Variants in SDHB observed in about 807,000 individuals in gnomAD.
SDHB encodes the protein succinate dehydrogenase [ubiquinone] iron-sulfur subunit, mitochondrial.
Under a neutral mutation model 39.7 loss-of-function variants are expected in SDHB, and 21 were observed. That is an observed-to-expected ratio of 0.53 (90% CI 0.37 to 0.76). The LOEUF (loss-of-function observed/expected upper bound fraction) is 0.76. SDHB is among the 30% of genes least tolerant of loss of function. The pLI is 0.00. For missense variants in SDHB, 343 were observed against 350.9 expected (o/e 0.98, Z 0.18); for synonymous variants, 118 against 117.0 (o/e 1.01, Z -0.06).
intron 3 of SDHB, among the ~76,000 whole-genome samples, chr1:17,030,772 C>T (rs1436274437): frequency 6.6e-6 from 1 of 151,836 alleles, no homozygotes; most frequent in Non-Finnish European, 1.5e-5. Context: ...ACCTCTGCCT[C>T]CCGGGTTCAA....
chr1:17,052,540 T>C (rs1023071864), intron 1 of SDHB: 1 of 152,206 alleles, frequency 6.6e-6, no homozygotes, highest in African/African-American at 2.4e-5. Flanking sequence ...TGGAACTCTC[T>C]CGTTAGTGGG....
intron 2 of SDHB, among the ~76,000 whole-genome samples, chr1:17,033,915 A>C (rs1408972138): frequency 6.6e-6 from 1 of 152,208 alleles, no homozygotes; most frequent in Non-Finnish European, 1.5e-5. Flanking sequence ...GATTCTACGG[A>C]AATTACTCTC....
intron 2 of SDHB, among the ~76,000 whole-genome samples, chr1:17,034,478 T>G (rs753713687): frequency 6.6e-6 from 1 of 152,082 alleles, no homozygotes; most frequent in Non-Finnish European, 1.5e-5. Context: ...CCTTCCGGGT[T>G]CAAGCGATTC....
intron 3 of SDHB, among the ~76,000 whole-genome samples, chr1:17,032,254 A>C (rs1451050003): frequency 6.7e-6 from 1 of 149,140 alleles, no homozygotes; most frequent in African/African-American, 2.5e-5. Flanking sequence ...GCTGGAGTGC[A>C]GTGGCGTGAT....
At position 17,019,085 on chromosome 1, in the gene SDHB, C is replaced by G. The variant is rs184156013; in HGVS notation, c.766-127G>C. On this transcript the variant is annotated intron_variant, in intron 7 of 7. Transcript: ENST00000375499. The stretch of plus-strand genomic sequence containing the variant: ...AAGCAAGGTGAATGCAAATCAAGTC[C>G]CTCAAAACCATAGGGGTTGGGCTAA... 149 of 771,064 alleles carry G rather than the reference C, an allele frequency of 1.9e-4. No individual in the cohort carries two copies. The African/African-American group carries it at 2.2e-3, about 12-fold the overall frequency. The allele number at this position is 771,064 out of a possible 1,614,324, so 47.8% of individuals were successfully genotyped here.
intron 7 of SDHB, among the ~76,000 whole-genome samples, chr1:17,021,131 A>G (rs565942405): frequency 6.6e-6 from 1 of 152,160 alleles, no homozygotes; most frequent in Non-Finnish European, 1.5e-5. Flanking sequence ...GACACCTGCT[A>G]TGGTTTGAAT....
At position 17,033,248 on chromosome 1, in the gene SDHB, G is replaced by A. The variant is rs901362741; in HGVS notation, c.201-103C>T. 27 of 897,356 alleles carry A rather than the reference G, an allele frequency of 3.0e-5. No homozygotes were observed. In the African/African-American group the frequency reaches 4.0e-4, roughly 13 times the overall value. The allele number at this position is 897,356 out of a possible 1,614,324, so 55.6% of individuals were successfully genotyped here. On this transcript the variant is annotated intron_variant, in intron 2 of 7. Transcript: ENST00000375499. ...CCTGGATGTATTAGCTTATCCATTT[G>A]GTCTTCTCAGGTCACCTTCGGAATT... is the stretch of plus-strand genomic sequence containing the variant.
intron 3 of SDHB, among the ~76,000 whole-genome samples, chr1:17,029,094 T>TG: frequency 6.0e-5 from 1 of 16,652 alleles, no homozygotes; most frequent in Non-Finnish European, 2.0e-4. Flanking sequence ...AATCAGCCTG[T>TG]TTTTTTTTTT....
At chr1:17,032,858 G>A in intron 3 of SDHB, 3 of 634,316 alleles carry the variant, frequency 4.7e-6, no homozygotes, top group Non-Finnish European at 8.6e-6. Flanking sequence ...TGCTCCTGAA[G>A]GAAAGTAAAC....
At chr1:17,042,908 T>G (rs2078088638) in intron 2 of SDHB, among the ~76,000 whole-genome samples, 1 of 151,586 alleles carries the variant, frequency 6.6e-6, no homozygotes, top group Non-Finnish European at 1.5e-5. Flanking sequence ...TAGTTAGAAG[T>G]GTACTTTTTT....
intron 1 of SDHB, chr1:17,052,335 C>T (rs1414084649): frequency 6.6e-6 from 1 of 152,204 alleles, no homozygotes; most frequent in Non-Finnish European, 1.5e-5. Flanking sequence ...CCACAGGTAA[C>T]ACACCAAGCT....
intron 2 of SDHB, among the ~76,000 whole-genome samples, chr1:17,039,431 A>AAT (rs1202622636): frequency 0.013 from 2,016 of 150,500 alleles, 43 homozygotes; most frequent in African/African-American, 0.046. Flanking sequence ...AAAAAAAAAA[A>AAT]AAAAAATTGG....
chr1:17,049,335 T>C (rs2078131686), intron 1 of SDHB, among the ~76,000 whole-genome samples: 2 of 151,880 alleles, frequency 1.3e-5, no homozygotes, highest in South Asian at 4.2e-4. Context: ...TCTCATTCTG[T>C]TGCTCAGGCT....
Position 17,033,267 on chromosome 1 carries a change from C to T in SDHB, c.201-122G>A, listed in dbSNP as rs766915695. The T allele has an allele frequency of 8.3e-5, 66 of 795,964 alleles. 1 individual carries two copies. The highest frequency in any genetic ancestry group is 4.9e-4 in the South Asian group (33 of 67,942). The allele number at this position is 795,964 out of a possible 1,614,324, so 49.3% of individuals were successfully genotyped here. Reference sequence around the variant, plus strand: ...CCATTTGGTCTTCTCAGGTCACCTTCGGAATTTGTTCTGTAGTTTTGTTTT... The same window carrying T: ...CCATTTGGTCTTCTCAGGTCACCTTTGGAATTTGTTCTGTAGTTTTGTTTT... On this transcript the variant is annotated intron_variant, in intron 2 of 7. Transcript: ENST00000375499.
At chr1:17,047,313 G>A (rs575972764) in intron 1 of SDHB, among the ~76,000 whole-genome samples, 4 of 152,058 alleles carry the variant, frequency 2.6e-5, no homozygotes, top group East Asian at 1.9e-4. Context: ...CCAAGATTGC[G>A]CCACTGCACT....
At chr1:17,050,387 G>A (rs1046312977) in intron 1 of SDHB, among the ~76,000 whole-genome samples, 1 of 148,756 alleles carries the variant, frequency 6.7e-6, no homozygotes, top group Non-Finnish European at 1.5e-5. Context: ...GGTGGCTCAT[G>A]CCTGTAATCC....
chr1:17,051,855 T>C (rs1477720509), intron 1 of SDHB, among the ~76,000 whole-genome samples: 1 of 151,936 alleles, frequency 6.6e-6, no homozygotes, highest in Non-Finnish European at 1.5e-5. Flanking sequence ...TTTTTTTTTT[T>C]TTTGAGACTG....
At chr1:17,036,544 T>C (rs1248589558) in intron 2 of SDHB, among the ~76,000 whole-genome samples, 1 of 151,844 alleles carries the variant, frequency 6.6e-6, no homozygotes, top group Non-Finnish European at 1.5e-5. Flanking sequence ...GAATTTCTTT[T>C]TTGATGCTGT....
intron 1 of SDHB, among the ~76,000 whole-genome samples, chr1:17,050,804 G>A (rs2078142196): frequency 6.6e-6 from 1 of 152,182 alleles, no homozygotes. Flanking sequence ...TGTACAAAGA[G>A]TTAATTCTCA....
Sources: allele counts gnomAD v4.1 joint callset (sites outside exome capture counted in the v4.1 genomes callset), GRCh38; gene constraint gnomAD v4.1.1; transcripts MANE v1.5; gene names NCBI Gene and HGNC (gene_info 2026-07-23, HGNC 2026-07-21).